The following ADAMTS3 variants were observed in gnomAD, a reference collection of about 807,000 sequenced individuals.
ADAMTS3 encodes the protein A disintegrin and metalloproteinase with thrombospondin motifs 3.
In ADAMTS3, 73 loss-of-function variants were observed where a neutral mutation model predicts 129.0. That is an observed-to-expected ratio of 0.57 (90% CI 0.47 to 0.69). The LOEUF is 0.69. ADAMTS3 is among the 30% of genes least tolerant of loss of function. The probability of loss-of-function intolerance (pLI) is 0.00; values close to 1 mark genes in which losing one functional copy is unlikely to be tolerated. For missense variants in ADAMTS3, 1,457 were observed against 1,514.5 expected (o/e 0.96, Z 0.63); for synonymous variants, 477 against 510.8 (o/e 0.93, Z 0.89).
intron 4 of ADAMTS3, among the ~76,000 whole-genome samples, chr4:72,380,627 A>G (rs1339161298): frequency 6.6e-6 from 1 of 152,106 alleles, no homozygotes; most frequent in Non-Finnish European, 1.5e-5. Context: ...TTTTTACCTG[A>G]CAGGGCCAGC....
chr4:72,567,049 A>G (rs909019933), intron 2 of ADAMTS3, among the ~76,000 whole-genome samples: 2 of 152,098 alleles, frequency 1.3e-5, no homozygotes, highest in Admixed American at 1.3e-4. Context: ...ACAGAAGTTG[A>G]TGATTTTATT....
intron 4 of ADAMTS3, among the ~76,000 whole-genome samples, chr4:72,404,912 A>C (rs1031865369): frequency 6.6e-6 from 1 of 151,936 alleles, no homozygotes; most frequent in African/African-American, 2.4e-5. Context: ...TGAATAGACA[A>C]TTCTTCTGTG....
intron 17 of ADAMTS3, among the ~76,000 whole-genome samples, chr4:72,299,312 T>C (rs1447855998): frequency 1.3e-5 from 2 of 151,980 alleles, no homozygotes; most frequent in Admixed American, 6.6e-5. Flanking sequence ...AGGCCCTGAC[T>C]TTACCACAAT....
intron 4 of ADAMTS3, among the ~76,000 whole-genome samples, chr4:72,402,627 G>A (rs1421815902): frequency 6.6e-6 from 1 of 152,052 alleles, no homozygotes; most frequent in Non-Finnish European, 1.5e-5. Context: ...ATGTTAGATA[G>A]TCTTGTATCA....
At chr4:72,552,428 A>G (rs1398955373) in intron 2 of ADAMTS3, among the ~76,000 whole-genome samples, 2 of 152,206 alleles carry the variant, frequency 1.3e-5, no homozygotes, top group Non-Finnish European at 2.9e-5. Flanking sequence ...GTTAGAAACT[A>G]TAAAACTGTT....
chr4:72,552,985 T>A (rs924927825), intron 2 of ADAMTS3, among the ~76,000 whole-genome samples: 1 of 152,222 alleles, frequency 6.6e-6, no homozygotes, highest in African/African-American at 2.4e-5. Flanking sequence ...TCTCTTCACC[T>A]CATTTCCCCA....
intron 4 of ADAMTS3, among the ~76,000 whole-genome samples, chr4:72,365,047 C>T (rs1237535528): frequency 6.6e-6 from 1 of 152,194 alleles, no homozygotes; most frequent in African/African-American, 2.4e-5. Flanking sequence ...AATGCCTACA[C>T]AGTACAGGGC....
At position 72,309,483 on chromosome 4, in the gene ADAMTS3, A is replaced by G. The variant is rs1719173528; in HGVS notation, c.2093T>C (p.Val698Ala). 6 of 1,611,792 alleles carry G rather than the reference A, an allele frequency of 3.7e-6. No individual in the cohort carries two copies. The highest frequency in any genetic ancestry group is 5.1e-6 in the Non-Finnish European group (6 of 1,178,502). ...GCDKEIGSNKVEDKCGVCGGD... is the reference protein window; with the variant it reads ...GCDKEIGSNKAEDKCGVCGGD... ...TCCACAGACACCACACTTATCCTCA[A>G]CCTTATTAGAACCAATTTCTTTATC... The change falls in exon 15 of 22, where the codon GTT becomes GCT. Residue 698 changes from valine to alanine, a missense_variant. Coordinates refer to ENST00000286657, the MANE Select transcript of ADAMTS3 (RefSeq NM_014243.3).
At chr4:72,511,527 CT>C (rs1720316139) in intron 3 of ADAMTS3, among the ~76,000 whole-genome samples, 2 of 152,182 alleles carry the variant, frequency 1.3e-5, no homozygotes, top group Admixed American at 1.3e-4. Flanking sequence ...CTCAACATCA[CT>C]GATCATCAGA....
chr4:72,476,216 G>GA (rs1578715382), intron 3 of ADAMTS3, among the ~76,000 whole-genome samples: 1 of 151,640 alleles, frequency 6.6e-6, no homozygotes, highest in Admixed American at 6.6e-5. Flanking sequence ...CAATAAAACT[G>GA]AAAAAATATC....
intron 3 of ADAMTS3, among the ~76,000 whole-genome samples, chr4:72,507,345 G>T (rs1720190123): frequency 6.6e-6 from 1 of 151,932 alleles, no homozygotes; most frequent in Non-Finnish European, 1.5e-5. Context: ...ACTGTGCCTT[G>T]GTAACTCAAT....
At chr4:72,427,081 G>C (rs185768377) in intron 3 of ADAMTS3, among the ~76,000 whole-genome samples, 150 of 152,202 alleles carry the variant, frequency 9.9e-4, no homozygotes, top group Non-Finnish European at 1.4e-3. Context: ...TTATCTTTCA[G>C]TTCTGTAGAT....
chr4:72,355,987 C>T (rs1018785462), intron 4 of ADAMTS3, among the ~76,000 whole-genome samples: 4 of 151,840 alleles, frequency 2.6e-5, no homozygotes, highest in African/African-American at 9.7e-5. Context: ...ATGGTTTTGA[C>T]TGCAAAATAC....
intron 15 of ADAMTS3, among the ~76,000 whole-genome samples, 173 bp downstream of exon 15, chr4:72,309,222 CAA>C (rs1389736075): frequency 2.7e-5 from 4 of 150,300 alleles, no homozygotes; most frequent in African/African-American, 4.9e-5. Flanking sequence ...TGAATTCATT[CAA>C]AGTGATTTCT....
intron 4 of ADAMTS3, among the ~76,000 whole-genome samples, chr4:72,381,397 T>C (rs1326921403): frequency 6.6e-6 from 1 of 152,168 alleles, no homozygotes; most frequent in African/African-American, 2.4e-5. Flanking sequence ...ATTGGATTAA[T>C]TTTGCAATTA....
intron 3 of ADAMTS3, among the ~76,000 whole-genome samples, chr4:72,461,687 T>G (rs1718775411): frequency 6.6e-6 from 1 of 151,912 alleles, no homozygotes. Flanking sequence ...ATCTCTCTGC[T>G]CACTCCTTCC....
intron 1 of ADAMTS3, 93 bp downstream of exon 1, chr4:72,568,601 G>C (rs550201327): frequency 1.1e-6 from 1 of 941,218 alleles, no homozygotes; most frequent in Non-Finnish European, 1.7e-6. Context: ...GGTGGGAGGA[G>C]AAGGAGGAAA....
intron 3 of ADAMTS3, among the ~76,000 whole-genome samples, chr4:72,452,272 G>A (rs779920098): frequency 4.0e-5 from 6 of 151,172 alleles, no homozygotes; most frequent in East Asian, 3.9e-4. Context: ...GTTATAATAC[G>A]TATAAGTTTA....
intron 3 of ADAMTS3, among the ~76,000 whole-genome samples, chr4:72,419,008 C>T (rs2109931362): frequency 6.6e-6 from 1 of 152,314 alleles, no homozygotes; most frequent in East Asian, 1.9e-4. Context: ...TAAAGAGCCA[C>T]ACCACACTTC....
Sources: gnomAD v4.1 joint callset for allele counts (sites outside exome capture counted in the v4.1 genomes callset) on GRCh38, gnomAD v4.1.1 for gene constraint, MANE v1.5 for transcripts, NCBI Gene and HGNC (gene_info 2026-07-23, HGNC 2026-07-21) for gene names.